The following MFSD11 variants were observed in gnomAD, a reference collection of about 807,000 sequenced individuals.
MFSD11 encodes major facilitator superfamily domain containing 11, also known as UNC93-like protein MFSD11.
Under a neutral mutation model 53.5 loss-of-function variants are expected in MFSD11, and 36 were observed. The ratio of observed to expected loss-of-function variants is 0.67; its 90% confidence interval spans 0.52 to 0.89. The LOEUF (loss-of-function observed/expected upper bound fraction) is 0.89. Ranked by LOEUF, MFSD11 falls within the 40% of genes least tolerant of loss-of-function variation. The probability of loss-of-function intolerance (pLI) is 0.00; values close to 1 mark genes in which losing one functional copy is unlikely to be tolerated. For synonymous variants in MFSD11, 186 were observed against 184.9 expected (o/e 1.01, Z -0.05); for missense variants, 530 against 543.9 (o/e 0.97, Z 0.25).
intron 10 of MFSD11, among the ~76,000 whole-genome samples, chr17:76,772,156 C>A (rs1256516895): frequency 6.6e-6 from 1 of 152,116 alleles, no homozygotes; most frequent in Non-Finnish European, 1.5e-5. Context: ...GCACAGTGCT[C>A]ACGCCTATAA....
intron 7 of MFSD11, among the ~76,000 whole-genome samples, chr17:76,749,936 G>T (rs1297873010): frequency 2.0e-5 from 3 of 151,636 alleles, no homozygotes; most frequent in South Asian, 4.2e-4. Context: ...ATATGAGGGT[G>T]GGAGGTGGAA....
intron 2 of MFSD11, among the ~76,000 whole-genome samples, chr17:76,740,751 G>A (rs1402166177): frequency 6.6e-6 from 1 of 152,068 alleles, no homozygotes; most frequent in South Asian, 2.1e-4. Context: ...CTGATCCCAA[G>A]GCACAGTTGG....
intron 8 of MFSD11, among the ~76,000 whole-genome samples, chr17:76,765,244 C>T (rs1003071087): frequency 6.6e-6 from 1 of 151,980 alleles, no homozygotes; most frequent in African/African-American, 2.4e-5. Flanking sequence ...TGTAGTCACG[C>T]CATTTGCTGA....
chr17:76,793,878 C>A, the MFSD11 span, among the ~76,000 whole-genome samples: 1 of 151,274 alleles, frequency 6.6e-6, no homozygotes, highest in Admixed American at 6.6e-5. Context: ...GGGTCAGAGT[C>A]AAAGTGATGC....
intron 5 of MFSD11, among the ~76,000 whole-genome samples, chr17:76,742,669 A>T (rs1469775410): frequency 6.6e-6 from 1 of 151,336 alleles, no homozygotes; most frequent in Admixed American, 6.6e-5. Flanking sequence ...CGCCCGGCTA[A>T]TTTTTTTTGT....
chr17:76,743,419 C>A lies in MFSD11; in HGVS notation c.459C>A (p.Tyr153Ter), dbSNP rs767188640. The change falls in exon 6 of 13, where the codon TAC becomes TAA. Residue 153 changes from tyrosine to a stop codon, truncating the protein, a stop_gained. Coordinates refer to ENST00000685175, the MANE Select transcript of MFSD11 (RefSeq NM_001242532.5). LOFTEE classifies it high-confidence loss of function. ...LQSSLFFGNL[Y>*]IYFAWQGKTQ... is the part of the protein sequence containing the mutation. ...CCAGCTTGTTCTTTGGAAATCTCTACATATATTTTGCCTGGCAAGGGAAAA... is the reference window on the plus strand; with the variant it reads ...CCAGCTTGTTCTTTGGAAATCTCTAAATATATTTTGCCTGGCAAGGGAAAA... 1.3e-6 allele frequency: 2 copies of A among 1,583,618 alleles called. No individual in the cohort carries two copies. Among genetic ancestry groups the A allele is most frequent in the Admixed American group, 1.8e-5 (1 of 55,620 alleles).
At chr17:76,736,637 G>T, upstream of MFSD11, 1 of 1,166,502 alleles carries the variant, frequency 8.6e-7, no homozygotes, top group Non-Finnish European at 1.1e-6. Context: ...CCGGGTCGCA[G>T]ACGGCGGAAG....
downstream of MFSD11, among the ~76,000 whole-genome samples, chr17:76,785,864 T>G (rs1056203718): frequency 1.3e-5 from 2 of 151,964 alleles, no homozygotes; most frequent in African/African-American, 2.4e-5. Flanking sequence ...GTGGATCACC[T>G]GAGGTCAGGA....
Position 76,738,447 on chromosome 17 carries a change from C to T in MFSD11, c.95C>T (p.Ala32Val), listed in dbSNP as rs774834836. 2.5e-5 allele frequency: 40 copies of T among 1,610,650 alleles called. No homozygotes were observed. Among genetic ancestry groups the T allele is most frequent in the Non-Finnish European group, 3.0e-5 (35 of 1,177,008 alleles). The change falls in exon 1 of 13, where the codon GCG becomes GTG. Residue 32 changes from alanine to valine, a missense_variant and splice_region_variant. Physicochemically the swap from Ala to Val is moderately conservative, Grantham distance 64. Transcript: ENST00000685175. The stretch of plus-strand genomic sequence containing the variant: ...GCCTTTCAAACTTGTGGAAATGTGG[C>T]GGTGAGTTGGAATCTGTCCTCCCTC... ...FTAFQTCGNV[A>V]QTVIRSLNRT... is the part of the protein sequence containing the mutation.
chr17:76,748,098 G>T (rs73996700), intron 7 of MFSD11: 3 of 144,000 alleles, frequency 2.1e-5, no homozygotes, highest in East Asian at 2.0e-4. Flanking sequence ...GGGGGAGAGT[G>T]GGGGGGAGGG....
the MFSD11 span, among the ~76,000 whole-genome samples, chr17:76,795,013 C>G: frequency 6.6e-6 from 1 of 151,862 alleles, no homozygotes; most frequent in African/African-American, 2.4e-5. Flanking sequence ...CTCTTAACCA[C>G]AGTCAGTCCT....
At chr17:76,741,299 G>T (rs2078060862) in intron 3 of MFSD11, among the ~76,000 whole-genome samples, 1 of 152,014 alleles carries the variant, frequency 6.6e-6, no homozygotes. Flanking sequence ...TCTCTATGAG[G>T]GTTGAAAAGA....
downstream of MFSD11, among the ~76,000 whole-genome samples, chr17:76,783,752 C>T (rs1459195731): frequency 2.0e-5 from 3 of 151,970 alleles, no homozygotes; most frequent in South Asian, 2.1e-4. Context: ...TTAGTAGAGA[C>T]GGGATTTCAC....
At chr17:76,761,940 A>G (rs930923603) in intron 8 of MFSD11, among the ~76,000 whole-genome samples, 2 of 151,786 alleles carry the variant, frequency 1.3e-5, no homozygotes, top group East Asian at 1.9e-4. Context: ...AAAAAAATTC[A>G]TATACCATAT....
intron 8 of MFSD11, among the ~76,000 whole-genome samples, chr17:76,760,376 GAGA>G (rs1287213865): frequency 6.6e-6 from 1 of 152,002 alleles, no homozygotes; most frequent in Non-Finnish European, 1.5e-5. Flanking sequence ...TCATCACATT[GAGA>G]AGGAGGAGGA....
chr17:76,775,150 G>A lies in MFSD11; in HGVS notation c.1028G>A (p.Ser343Asn), dbSNP rs2081703823. ...APIAPVKGTD[S>N]SAYIKSSKEV... ...ATTGCTCCTGTTAAAGGAACTGACAGCAGTGCTTACATCAAATCCAGGTAT... is the reference window on the plus strand; with the variant it reads ...ATTGCTCCTGTTAAAGGAACTGACAACAGTGCTTACATCAAATCCAGGTAT... The change falls in exon 11 of 13, where the codon AGC (serine) becomes AAC (asparagine). Residue 343 changes from serine to asparagine, a missense_variant. By Grantham distance (46) the Ser-to-Asn change is conservative. Transcript: ENST00000685175. 6.2e-7 allele frequency: 1 copy of A among 1,613,856 alleles called. No homozygotes were observed. Among genetic ancestry groups the A allele is most frequent in the Non-Finnish European group, 8.5e-7 (1 of 1,179,858 alleles).
At chr17:76,801,228 C>CA in the MFSD11 span, among the ~76,000 whole-genome samples, 1 of 151,740 alleles carries the variant, frequency 6.6e-6, no homozygotes, top group Non-Finnish European at 1.5e-5. Context: ...TCCGTCTCTA[C>CA]AAAAAACTTA....
intron 2 of MFSD11, among the ~76,000 whole-genome samples, chr17:76,740,047 G>A (rs1389870311): frequency 2.0e-5 from 3 of 151,450 alleles, no homozygotes; most frequent in Non-Finnish European, 2.9e-5. Flanking sequence ...GGTGGTGGGC[G>A]CCTGTAATCC....
Position 76,753,980 on chromosome 17 carries a change from GT to G in MFSD11, c.642-66del. On this transcript the variant is annotated intron_variant, in intron 7 of 12. Coordinates refer to ENST00000685175, the MANE Select transcript of MFSD11 (RefSeq NM_001242532.5). Reference sequence around the variant, plus strand: ...GGTTTTTACGAACGTAAATGAAAATGTGATCGTATGTTTGTTCTTTTATTTT... The same window carrying G: ...GGTTTTTACGAACGTAAATGAAAATGGATCGTATGTTTGTTCTTTTATTTT... The G allele has an allele frequency of 9.0e-6, 12 of 1,327,612 alleles. No individual in the cohort carries two copies. In the South Asian group the frequency reaches 1.3e-4, roughly 14 times the overall value. The allele number at this position is 1,327,612 out of a possible 1,614,324, so 82.2% of individuals were successfully genotyped here. A position where few individuals can be genotyped will look rare whatever the true frequency, so the allele number is the denominator to read the frequency against.
Sources: allele counts gnomAD v4.1 joint callset (sites outside exome capture counted in the v4.1 genomes callset), GRCh38; gene constraint gnomAD v4.1.1; transcripts MANE v1.5; gene names NCBI Gene and HGNC (gene_info 2026-07-23, HGNC 2026-07-21).